The following ALK variants were observed in gnomAD, a reference collection of about 807,000 sequenced individuals.
ALK encodes ALK receptor tyrosine kinase.
ALK carries 74 observed loss-of-function variants against 163.1 expected under a neutral mutation model. That is an observed-to-expected ratio of 0.45 (90% CI 0.38 to 0.55). The LOEUF (loss-of-function observed/expected upper bound fraction) is 0.55, where lower values mean the gene tolerates loss of function less well. Ranked by LOEUF, ALK falls within the 20% of genes least tolerant of loss-of-function variation. The pLI, the probability that ALK is intolerant of heterozygous loss-of-function variation, is 0.00. For missense variants in ALK, 2,063 were observed against 2,105.3 expected (o/e 0.98, Z 0.39); for synonymous variants, 960 against 843.2 (o/e 1.14, Z -2.40).
intron 3 of ALK, among the ~76,000 whole-genome samples, chr2:29,633,031 C>A (rs1315890146): frequency 6.6e-6 from 1 of 152,078 alleles, no homozygotes; most frequent in Non-Finnish European, 1.5e-5. Flanking sequence ...CCATATCATC[C>A]ACCACGCTGA....
chr2:29,880,569 T>C (rs893233836), intron 1 of ALK, among the ~76,000 whole-genome samples: 2 of 152,200 alleles, frequency 1.3e-5, no homozygotes, highest in African/African-American at 4.8e-5. Context: ...TCCCCAGGGA[T>C]CTATGGCTAG....
At chr2:29,479,218 A>T (rs1311108657) in intron 4 of ALK, among the ~76,000 whole-genome samples, 1 of 152,166 alleles carries the variant, frequency 6.6e-6, no homozygotes, top group Admixed American at 6.5e-5. Flanking sequence ...AAGCAGGCAG[A>T]TCTACACTGC....
intron 15 of ALK, among the ~76,000 whole-genome samples, chr2:29,230,263 T>C (rs1019295260): frequency 3.3e-5 from 5 of 151,732 alleles, no homozygotes; most frequent in African/African-American, 1.2e-4. Context: ...AATAAGTCTG[T>C]ACATGTTCAG....
intron 4 of ALK, among the ~76,000 whole-genome samples, chr2:29,417,584 C>T (rs1205619751): frequency 6.6e-6 from 1 of 152,082 alleles, no homozygotes; most frequent in Non-Finnish European, 1.5e-5. Context: ...AATGACTTGC[C>T]CGAGATCACA....
chr2:29,532,045 T>C lies in ALK; in HGVS notation c.1024A>G (p.Ser342Gly), dbSNP rs973756393. ...GAGACGGCCAGTGTGCAGTGCTCACTGCTGCTCCTCATCCACGGACTCAGG... is the reference window on the plus strand; with the variant it reads ...GAGACGGCCAGTGTGCAGTGCTCACCGCTGCTCCTCATCCACGGACTCAGG... The part of the protein sequence containing the change: ...TILSPWMRSS[S>G]EHCTLAVSVH... The change falls in exon 4 of 29, where the codon AGT becomes GGT. Residue 342 changes from serine to glycine, a missense_variant. Ser to Gly is a moderately conservative substitution (Grantham distance 56). Around this residue, in one of 5 missense-constraint regions of ALK, gnomAD observed 987 missense variants for 939.5 expected, o/e 1.05. Transcript: ENST00000389048. 2 of 1,614,100 alleles carry C rather than the reference T, an allele frequency of 1.2e-6. No individual in the cohort carries two copies. Among genetic ancestry groups the C allele is most frequent in the Non-Finnish European group, 1.7e-6 (2 of 1,180,012 alleles).
intron 4 of ALK, among the ~76,000 whole-genome samples, chr2:29,500,361 T>C (rs957934940): frequency 6.6e-6 from 1 of 152,290 alleles, no homozygotes; most frequent in East Asian, 1.9e-4. Flanking sequence ...CTCCACCGTG[T>C]AAGATGCCTG....
At chr2:29,233,491 C>T (rs577509977) in intron 14 of ALK, 74 bp downstream of exon 14, 1 of 1,607,368 alleles carries the variant, frequency 6.2e-7, no homozygotes. Context: ...GTGTTTCTAT[C>T]CCAGGGCTGT....
chr2:29,683,412 CA>C (rs999701121), intron 3 of ALK, among the ~76,000 whole-genome samples: 10 of 151,526 alleles, frequency 6.6e-5, no homozygotes, highest in South Asian at 2.1e-4. Context: ...AAAACAAAAA[CA>C]AAAAAAATGA....
At chr2:29,612,874 G>C (rs990150051) in intron 3 of ALK, among the ~76,000 whole-genome samples, 1 of 152,070 alleles carries the variant, frequency 6.6e-6, no homozygotes. Flanking sequence ...TAGTACCTTC[G>C]GAATTTTAGA....
intron 3 of ALK, among the ~76,000 whole-genome samples, chr2:29,693,804 G>C (rs1678472671): frequency 1.3e-5 from 2 of 152,144 alleles, no homozygotes; most frequent in Admixed American, 1.3e-4. Context: ...AAGTGCCCTT[G>C]TCTGGGACTC....
chr2:29,325,954 G>A (rs1046808410), intron 6 of ALK, among the ~76,000 whole-genome samples: 1 of 152,170 alleles, frequency 6.6e-6, no homozygotes, highest in Non-Finnish European at 1.5e-5. Flanking sequence ...AAAAATGCCG[G>A]AAAGGATAGG....
intron 5 of ALK, among the ~76,000 whole-genome samples, chr2:29,382,394 T>C (rs1668922071): frequency 1.3e-5 from 2 of 152,164 alleles, no homozygotes; most frequent in South Asian, 4.1e-4. Flanking sequence ...GGAGAAAACA[T>C]CTATAGCTTG....
intron 9 of ALK, among the ~76,000 whole-genome samples, chr2:29,288,604 T>C (rs558044293): frequency 6.6e-6 from 1 of 152,200 alleles, no homozygotes; most frequent in South Asian, 2.1e-4. Flanking sequence ...TGGAAAAAAT[T>C]TTTTGACCAT....
In ALK at chr2:29,246,944, C is replaced by T. The variant is rs1235673583; in HGVS notation, c.2204+4161G>A. On this transcript the variant is annotated intron_variant, in intron 12 of 28. Coordinates refer to ENST00000389048, the MANE Select transcript of ALK (RefSeq NM_004304.5). The surrounding 1 kb of genome is among the most constrained non-coding windows in gnomAD (Gnocchi z 4.3). ...CTGGCCCTGCTGCCTCCAGCCTCGG[C>T]TCCCCGAGGCCAGCCTTGCCCGACT... Among the ~76,000 whole-genome samples the T allele has an allele frequency of 6.6e-6, 1 of 152,216 alleles. No homozygotes were observed. The highest frequency in any genetic ancestry group is 2.4e-5 in the African/African-American group (1 of 41,460).
chr2:29,572,681 AAGGTG>A (rs1674409431), intron 3 of ALK, among the ~76,000 whole-genome samples: 1 of 152,154 alleles, frequency 6.6e-6, no homozygotes, highest in Non-Finnish European at 1.5e-5. Flanking sequence ...TCATCCCTTA[AAGGTG>A]AGGACCATGC....
chr2:29,696,108 A>G (rs75906992), intron 2 of ALK, among the ~76,000 whole-genome samples: 2 of 152,252 alleles, frequency 1.3e-5, no homozygotes, highest in African/African-American at 4.8e-5. Context: ...GGCACTGTTC[A>G]CGATAGCAAA....
chr2:29,708,267 C>T (rs770613413), intron 2 of ALK, among the ~76,000 whole-genome samples: 1 of 152,160 alleles, frequency 6.6e-6, no homozygotes, highest in Non-Finnish European at 1.5e-5. Flanking sequence ...TGGGGTTTCA[C>T]CATCTTGGCC....
chr2:29,814,290 C>A (rs141835783), intron 1 of ALK, among the ~76,000 whole-genome samples: 13 of 152,180 alleles, frequency 8.5e-5, no homozygotes, highest in African/African-American at 3.1e-4. Flanking sequence ...AGTGGTGATC[C>A]TCCCAGTTCC....
intron 4 of ALK, among the ~76,000 whole-genome samples, chr2:29,426,480 G>A (rs921274177): frequency 2.2e-4 from 34 of 152,100 alleles, no homozygotes; most frequent in African/African-American, 7.5e-4. Context: ...AGAAACAATG[G>A]AGGCCAGAAG....
Sources: allele counts gnomAD v4.1 joint callset (sites outside exome capture counted in the v4.1 genomes callset), GRCh38; gene constraint gnomAD v4.1.1; regional missense constraint gnomAD v4.1.1; non-coding constraint Gnocchi (gnomAD v3.1); transcripts MANE v1.5; gene names NCBI Gene and HGNC (gene_info 2026-07-23, HGNC 2026-07-21).